The following ATP8A2 variants were observed in gnomAD, a reference collection of about 807,000 sequenced individuals.
The protein encoded by ATP8A2 is ATPase phospholipid transporting 8A2.
In ATP8A2, 100 loss-of-function variants were observed where a neutral mutation model predicts 165.6. The ratio of observed to expected loss-of-function variants is 0.60; its 90% CI spans 0.51 to 0.71. The LOEUF (loss-of-function observed/expected upper bound fraction) is 0.71, where lower values mean the gene tolerates loss of function less well. Among genes scored for constraint, ATP8A2 ranks in the 30% least tolerant of loss-of-function variants. The pLI, the probability that ATP8A2 is intolerant of heterozygous loss-of-function variation, is 0.00. For missense variants in ATP8A2, 1,227 were observed against 1,479.5 expected, an observed-to-expected ratio of 0.83 and a Z score of 2.80; for synonymous variants, 543 against 548.8, an observed-to-expected ratio of 0.99 and a Z score of 0.15.
intron 2 of ATP8A2, among the ~76,000 whole-genome samples, chr13:25,488,218 A>G (rs2036412895): frequency 1.3e-5 from 2 of 152,170 alleles, no homozygotes; most frequent in South Asian, 4.1e-4. Flanking sequence ...ATATTTAAGT[A>G]TACGATTCAG....
intron 32 of ATP8A2, among the ~76,000 whole-genome samples, chr13:25,861,827 T>G (rs1023722168): frequency 6.6e-6 from 1 of 152,216 alleles, no homozygotes; most frequent in African/African-American, 2.4e-5. Flanking sequence ...AAAGGGGCAT[T>G]GTTAAGAGGC....
chr13:25,808,892 C>G (rs2138501357), intron 27 of ATP8A2, among the ~76,000 whole-genome samples: 1 of 152,188 alleles, frequency 6.6e-6, no homozygotes, highest in Admixed American at 6.5e-5. Context: ...AACTGGCAAT[C>G]CATATTTTCA....
chr13:25,706,125 GT>G (rs528073114), intron 25 of ATP8A2, among the ~76,000 whole-genome samples: 305 of 152,324 alleles, frequency 2.0e-3, no homozygotes, highest in Non-Finnish European at 3.0e-3. Context: ...TAGTAGCTTA[GT>G]CCCTGCTGGG....
chr13:25,722,666 T>C (rs962287630), intron 25 of ATP8A2, among the ~76,000 whole-genome samples: 2 of 152,254 alleles, frequency 1.3e-5, no homozygotes, highest in African/African-American at 2.4e-5. Flanking sequence ...GTTAGTTGTC[T>C]ATTTTGACTT....
At chr13:25,523,962 A>G (rs1173607490) in intron 2 of ATP8A2, among the ~76,000 whole-genome samples, 1 of 151,682 alleles carries the variant, frequency 6.6e-6, no homozygotes, top group Non-Finnish European at 1.5e-5. Context: ...TGTTTATTTG[A>G]AGTCTTTCTC....
chr13:25,465,692 TTTCTTTCTTTCTTTCTTTC>T lies in ATP8A2; in HGVS notation c.77-3282_77-3264del, dbSNP rs1179301763. On this transcript the variant is annotated intron_variant, in intron 1 of 36. Coordinates refer to ENST00000381655, the MANE Select transcript of ATP8A2 (RefSeq NM_016529.6). The stretch of plus-strand genomic sequence containing the variant: ...CTTTCTTTCTTTCTTTCTTTCTTTC[TTTCTTTCTTTCTTTCTTTC>T]TTTCTTTCTTTCTTTCTTTCTTTCT... 3.5e-3 allele frequency among the ~76,000 whole-genome samples: 64 copies of T among 18,446 alleles called. 2 individuals carry two copies. The highest frequency in any genetic ancestry group is 7.6e-3 in the South Asian group (3 of 396). 12.1% of individuals were successfully genotyped at this position (18,446 alleles called of 152,430 possible). A position where few individuals can be genotyped will look rare whatever the true frequency, so the allele number is the denominator to read the frequency against.
chr13:25,397,061 G>A (rs189806857), intron 1 of ATP8A2, among the ~76,000 whole-genome samples: 233 of 152,274 alleles, frequency 1.5e-3, no homozygotes, highest in Non-Finnish European at 2.6e-3. Context: ...GGCTGTTTTC[G>A]CTGAGTTAAA....
intron 24 of ATP8A2, among the ~76,000 whole-genome samples, chr13:25,681,422 A>T (rs1268106446): frequency 6.6e-6 from 1 of 152,210 alleles, no homozygotes; most frequent in East Asian, 1.9e-4. Context: ...TAATTTTTCC[A>T]CACTCTTCAG....
chr13:25,793,038 G>A (rs777198698), intron 27 of ATP8A2, among the ~76,000 whole-genome samples: 4 of 150,364 alleles, frequency 2.7e-5, no homozygotes, highest in Non-Finnish European at 5.9e-5. Flanking sequence ...GAAGAGAGGA[G>A]AAGAGAAGAG....
intron 33 of ATP8A2, among the ~76,000 whole-genome samples, chr13:25,908,131 C>G (rs952243547): frequency 6.6e-6 from 1 of 152,138 alleles, no homozygotes; most frequent in Non-Finnish European, 1.5e-5. Context: ...AGATAAATAC[C>G]TTAGAAATCT....
intron 13 of ATP8A2, 138 bp from the exon 14 acceptor site, chr13:25,558,835 T>C: frequency 1.8e-6 from 1 of 555,762 alleles, no homozygotes; most frequent in Non-Finnish European, 3.2e-6. Flanking sequence ...TAATATATTT[T>C]TTGTTACTAA....
chr13:25,561,330 T>C (rs1454176888), intron 15 of ATP8A2, among the ~76,000 whole-genome samples: 5 of 152,178 alleles, frequency 3.3e-5, no homozygotes, highest in Non-Finnish European at 5.9e-5. Context: ...CTTGGGTTGA[T>C]CCTCCAGTTT....
At chr13:25,698,716 G>A (rs967012172) in intron 24 of ATP8A2, among the ~76,000 whole-genome samples, 7 of 152,088 alleles carry the variant, frequency 4.6e-5, no homozygotes, top group Admixed American at 3.3e-4. Flanking sequence ...GGCAATGCAT[G>A]GAGAGAATGG....
At chr13:25,954,869 A>G (rs919916944) in intron 33 of ATP8A2, among the ~76,000 whole-genome samples, 15 of 152,264 alleles carry the variant, frequency 9.9e-5, no homozygotes, top group African/African-American at 3.6e-4. Context: ...GACCAAAGGT[A>G]GATAAATCCA....
intron 28 of ATP8A2, among the ~76,000 whole-genome samples, chr13:25,829,889 G>C (rs2138611625): frequency 6.6e-6 from 1 of 151,024 alleles, no homozygotes; most frequent in East Asian, 2.0e-4. Context: ...GGCAGTGTTG[G>C]TCAAAATAAG....
At chr13:25,646,671 A>AAAACAC (rs10675043) in intron 24 of ATP8A2, among the ~76,000 whole-genome samples, 1 of 123,996 alleles carries the variant, frequency 8.1e-6, no homozygotes, top group Admixed American at 9.4e-5. Flanking sequence ...AAAAAAAAAA[A>AAAACAC]CACACAAAAG....
intron 29 of ATP8A2, among the ~76,000 whole-genome samples, chr13:25,838,121 T>C (rs1951666485): frequency 6.6e-6 from 1 of 152,182 alleles, no homozygotes; most frequent in East Asian, 1.9e-4. Flanking sequence ...TGTTGCACAG[T>C]TCACCTCCTG....
In ATP8A2 at chr13:25,400,269, T is replaced by C. The variant is rs142130969; in HGVS notation, c.76+27981T>C. ...CACAGCATTCCACATAAATGACTTA[T>C]CTGGATAACTAAAGTTTATCTCTCC... is the stretch of plus-strand genomic sequence containing the variant. On this transcript the variant is annotated intron_variant, in intron 1 of 36. Coordinates refer to ENST00000381655, the MANE Select transcript of ATP8A2 (RefSeq NM_016529.6). Among the ~76,000 whole-genome samples, 494 of 152,334 alleles carry C rather than the reference T, an allele frequency of 3.2e-3. 2 individuals are homozygous for C. The highest frequency in any genetic ancestry group is 9.5e-3 in the African/African-American group (396 of 41,560).
At chr13:25,915,706 T>G (rs1954251352) in intron 33 of ATP8A2, among the ~76,000 whole-genome samples, 1 of 152,200 alleles carries the variant, frequency 6.6e-6, no homozygotes, top group African/African-American at 2.4e-5. Flanking sequence ...CAGAACTGAC[T>G]CCAGTCCTAG....
Sources: gnomAD v4.1 joint callset for allele counts (sites outside exome capture counted in the v4.1 genomes callset) on GRCh38, gnomAD v4.1.1 for gene constraint, MANE v1.5 for transcripts, NCBI Gene and HGNC (gene_info 2026-07-23, HGNC 2026-07-21) for gene names.